The following TMEM126B variants were observed in gnomAD, a reference collection of about 807,000 sequenced individuals.
TMEM126B encodes transmembrane protein 126B.
Under a neutral mutation model 16.5 loss-of-function variants are expected in TMEM126B, and 19 were observed. That is an observed-to-expected ratio of 1.15 (90% CI 0.80 to 1.69). The LOEUF (loss-of-function observed/expected upper bound fraction) is 1.69, where lower values mean the gene tolerates loss of function less well. Among genes scored for constraint, TMEM126B ranks in the 40% most tolerant of loss-of-function variants. TMEM126B has a pLI of 0.00. For missense variants in TMEM126B, 293 were observed against 278.7 expected (o/e 1.05, Z -0.37); for synonymous variants, 104 against 93.2 (o/e 1.12, Z -0.67).
At chr11:85,631,162 C>A in intron 1 of TMEM126B, 1 of 1,290,396 alleles carries the variant, frequency 7.7e-7, no homozygotes, top group Non-Finnish European at 1.0e-6. Flanking sequence ...AACACGATTT[C>A]CAAAATGAAC....
intron 4 of TMEM126B, 38 bp downstream of exon 4, chr11:85,635,816 CTTTTCTTTT>C: frequency 2.0e-6 from 2 of 1,019,908 alleles, no homozygotes; most frequent in Non-Finnish European, 2.6e-6. Context: ...CTTTTCTTTT[CTTTTCTTTT>C]TTTTTTTTTT....
At chr11:85,634,023 G>A in intron 2 of TMEM126B, 63 bp from the exon 3 acceptor site, 1 of 1,165,132 alleles carries the variant, frequency 8.6e-7, no homozygotes, top group Non-Finnish European at 1.2e-6. Context: ...CAACTTTTCA[G>A]GAGAGGCTGT....
intron 3 of TMEM126B, 114 bp downstream of exon 3, chr11:85,634,393 G>A (rs1323488291): frequency 1.5e-5 from 11 of 755,454 alleles, no homozygotes; most frequent in Non-Finnish European, 2.3e-5. Context: ...TTGCTATACA[G>A]TTTACAAAGT....
rs1449372843 is a variant in TMEM126B at position 85,635,724 on chromosome 11, G to A, written c.455G>A (p.Gly152Asp). The change falls in exon 4 of 5, where the codon GGT becomes GAT. Residue 152 changes from glycine to aspartate, a missense_variant. Transcript: ENST00000358867. ...AGCTCACTGATTGGCATAGTTTGTGGTGTTTTCTATCCCAGTTCTTTGGCT... is the reference window on the plus strand; with the variant it reads ...AGCTCACTGATTGGCATAGTTTGTGATGTTTTCTATCCCAGTTCTTTGGCT... The part of the protein sequence containing the change: ...FRSSLIGIVC[G>D]VFYPSSLAFT... 3 of 1,609,858 alleles carry A rather than the reference G, an allele frequency of 1.9e-6. No individual in the cohort carries two copies. Among genetic ancestry groups the A allele is most frequent in the Non-Finnish European group, 2.5e-6 (3 of 1,178,970 alleles).
rs564156855 is a variant in TMEM126B, at chr11:85,633,057, G to C, written c.204-1029G>C. 4.9e-4 allele frequency among the ~76,000 whole-genome samples: 74 copies of C among 151,874 alleles called. 2 individuals are homozygous for C. The highest frequency in any genetic ancestry group is 1.6e-3 in the African/African-American group (68 of 41,400). On this transcript the variant is annotated intron_variant, in intron 2 of 4. Transcript: ENST00000358867. ...TATGAGTGAGAATATGCGGTGTTTG[G>C]TTTTTTGTTCTTGCAATAGTTTACT...
intron 1 of TMEM126B, chr11:85,631,332 A>G (rs1267490430): frequency 8.4e-7 from 1 of 1,194,620 alleles, no homozygotes; most frequent in African/African-American, 1.8e-5. Context: ...TTAGCCTTCT[A>G]CACTAAATCT....
chr11:85,631,863 T>C (rs2082306883), intron 2 of TMEM126B, 55 bp downstream of exon 2: 2 of 1,520,358 alleles, frequency 1.3e-6, no homozygotes, highest in African/African-American at 1.5e-5. Context: ...GTCTTTTGTA[T>C]TGCCATTGTT....
chr11:85,629,684 A>G (rs2082225594), intron 1 of TMEM126B, among the ~76,000 whole-genome samples: 2 of 152,106 alleles, frequency 1.3e-5, no homozygotes, highest in African/African-American at 2.4e-5. Flanking sequence ...AAATTTATCT[A>G]TGGTTTATGG....
intron 2 of TMEM126B, among the ~76,000 whole-genome samples, chr11:85,633,611 G>A (rs987639105): frequency 9.8e-5 from 15 of 152,336 alleles, no homozygotes; most frequent in African/African-American, 2.9e-4. Context: ...CTTTTGAGAA[G>A]TGTCTGTTCA....
chr11:85,635,515 C>A (rs2082381326), intron 3 of TMEM126B, 152 bp from the exon 4 acceptor site: 1 of 515,006 alleles, frequency 1.9e-6, no homozygotes, highest in Non-Finnish European at 3.4e-6. Flanking sequence ...CTGCATTTGG[C>A]CTGTTATATG....
chr11:85,633,603 T>C lies in TMEM126B; in HGVS notation c.204-483T>C, dbSNP rs1231333770. Among the ~76,000 whole-genome samples the C allele has an allele frequency of 1.3e-5, 2 of 152,234 alleles. 1 individual carries two copies. The highest frequency in any genetic ancestry group is 2.9e-5 in the Non-Finnish European group (2 of 68,048). On this transcript the variant is annotated intron_variant, in intron 2 of 4. Coordinates refer to ENST00000358867, the MANE Select transcript of TMEM126B (RefSeq NM_018480.7). ...TTTTTTGGCTGCATAAATGTCTTCT[T>C]TTGAGAAGTGTCTGTTCAGGACAAA...
At chr11:85,635,869 T>TGTCTATG (rs1000802507) in intron 4 of TMEM126B, 91 bp downstream of exon 4, 3 of 1,060,538 alleles carry the variant, frequency 2.8e-6, no homozygotes, top group Non-Finnish European at 4.0e-6. Context: ...CTTCTTTAGC[T>TGTCTATG]GTCTATGATA....
intron 2 of TMEM126B, among the ~76,000 whole-genome samples, chr11:85,632,602 T>C (rs1011566863): frequency 1.3e-5 from 2 of 151,126 alleles, no homozygotes; most frequent in Non-Finnish European, 3.0e-5. Context: ...ACAAATTATT[T>C]TATTTTATTT....
At chr11:85,631,561 G>A (rs752479416) in intron 1 of TMEM126B, 126 bp from the exon 2 acceptor site, 5 of 1,092,970 alleles carry the variant, frequency 4.6e-6, no homozygotes, top group Non-Finnish European at 6.4e-6. Flanking sequence ...TGTGAAAGCA[G>A]ACGACACAGT....
rs148346070 is a variant in TMEM126B at position 85,636,156 on chromosome 11, T to C, written c.620T>C (p.Phe207Ser). ...ATTCCTCTAGTCTTTCAGATTATGTTTGGAATATTAAATGGTCTATACCAT... is the reference window on the plus strand; with the variant it reads ...ATTCCTCTAGTCTTTCAGATTATGTCTGGAATATTAAATGGTCTATACCAT... ...MAIPLVFQIM[F>S]GILNGLYHYA... Residue 207 changes from phenylalanine to serine, a missense_variant, in exon 5 of 5, where the codon TTT becomes TCT. By Grantham distance (155) the Phe-to-Ser change is radical (BLOSUM62 -2). Coordinates refer to ENST00000358867, the MANE Select transcript of TMEM126B (RefSeq NM_018480.7). 1 of 1,612,148 alleles carries C rather than the reference T, an allele frequency of 6.2e-7. No homozygotes were observed. The highest frequency in any genetic ancestry group is 1.3e-5 in the African/African-American group (1 of 74,948).
chr11:85,634,255 T>C lies in TMEM126B; in HGVS notation c.373T>C (p.Phe125Leu). 6.2e-7 allele frequency: 1 copy of C among 1,613,442 alleles called. No homozygotes were observed. Among genetic ancestry groups the C allele is most frequent in the Middle Eastern group, 1.7e-4 (1 of 6,056 alleles). ...GTCTACTGTTGTTACTGACAAGCTTTTTGTAATTGATGCTTTGTATTCAGG... is the reference window on the plus strand; with the variant it reads ...GTCTACTGTTGTTACTGACAAGCTTCTTGTAATTGATGCTTTGTATTCAGG... Reference protein sequence around the residue: ...FLSTVVTDKLFVIDALYSDNI... With the variant: ...FLSTVVTDKLLVIDALYSDNI... Residue 125 changes from phenylalanine (F) to leucine (L), a missense_variant, in exon 3 of 5, where the codon TTT becomes CTT. Phe to Leu is a conservative substitution (Grantham distance 22). Coordinates refer to ENST00000358867, the MANE Select transcript of TMEM126B (RefSeq NM_018480.7).
chr11:85,629,118 G>A (rs967236167), intron 1 of TMEM126B: 12 of 799,408 alleles, frequency 1.5e-5, no homozygotes, highest in Non-Finnish European at 2.0e-5. Context: ...CTCATTCTGT[G>A]TTTAAATTGC....
At chr11:85,632,001 G>A (rs972452255) in intron 2 of TMEM126B, among the ~76,000 whole-genome samples, 193 bp downstream of exon 2, 1 of 152,154 alleles carries the variant, frequency 6.6e-6, no homozygotes, top group Admixed American at 6.5e-5. Context: ...TGGTTTGTTG[G>A]AATATTTCGG....
chr11:85,631,662 A>G, intron 1 of TMEM126B, 25 bp from the exon 2 acceptor site: 1 of 1,601,340 alleles, frequency 6.2e-7, no homozygotes, highest in South Asian at 1.1e-5. Flanking sequence ...ATTAGCTATT[A>G]TGGCTCTGGA....
Sources: allele counts gnomAD v4.1 joint callset (sites outside exome capture counted in the v4.1 genomes callset), GRCh38; gene constraint gnomAD v4.1.1; transcripts MANE v1.5; gene names NCBI Gene and HGNC (gene_info 2026-07-23, HGNC 2026-07-21).